Variants in MALRD1 observed in about 807,000 individuals in gnomAD.
The protein encoded by MALRD1 is MAM and LDL-receptor class A domain-containing protein 1.
Under a neutral mutation model 242.1 loss-of-function variants are expected in MALRD1, and 247 were observed. The ratio of observed to expected loss-of-function variants is 1.02; its 90% CI spans 0.92 to 1.13. The LOEUF (loss-of-function observed/expected upper bound fraction) is 1.13, where lower values mean the gene tolerates loss of function less well. Among genes scored for constraint, MALRD1 ranks in the 50% most tolerant of loss-of-function variants. The pLI is 0.00. For missense variants in MALRD1, 2,989 were observed against 2,533.1 expected (o/e 1.18, Z -3.86); for synonymous variants, 995 against 866.6 (o/e 1.15, Z -2.60).
rs10827136 is a variant in MALRD1, at chr10:19,243,723, T to A, written c.2992-13961T>A. Among the ~76,000 whole-genome samples, 22 of 152,058 alleles carry A rather than the reference T, an allele frequency of 1.4e-4. 1 individual carries two copies. In the South Asian group the frequency reaches 4.6e-3, roughly 31 times the overall value. ...CATACACCTGATTATTAACTTAAAG[T>A]TATGATGGGAAAAGTATCAATTTTT... On this transcript the variant is annotated intron_variant, in intron 18 of 39. Coordinates refer to ENST00000454679, the MANE Select transcript of MALRD1 (RefSeq NM_001142308.3).
chr10:19,229,892 T>C (rs1205590363), intron 18 of MALRD1, among the ~76,000 whole-genome samples: 1 of 152,180 alleles, frequency 6.6e-6, no homozygotes, highest in East Asian at 1.9e-4. Context: ...ATGGCTTGGC[T>C]GTGTCCCCAC....
chr10:19,421,143 C>T (rs1833704447), intron 28 of MALRD1, among the ~76,000 whole-genome samples: 1 of 152,192 alleles, frequency 6.6e-6, no homozygotes, highest in Admixed American at 6.5e-5. Context: ...CCCTTCAAAT[C>T]AGCCAAAACA....
intron 1 of MALRD1, among the ~76,000 whole-genome samples, chr10:19,056,729 T>C (rs1834680062): frequency 6.6e-6 from 1 of 152,180 alleles, no homozygotes; most frequent in East Asian, 1.9e-4. Flanking sequence ...TGCTGAAAAT[T>C]GGTGGTGAGA....
At chr10:19,227,135 A>T (rs1201227175) in intron 18 of MALRD1, among the ~76,000 whole-genome samples, 1 of 151,982 alleles carries the variant, frequency 6.6e-6, no homozygotes, top group Admixed American at 6.6e-5. Flanking sequence ...TTTTTGGAGA[A>T]ATTACAAAGC....
chr10:19,139,020 T>C (rs1477465911), intron 10 of MALRD1, among the ~76,000 whole-genome samples: 1 of 152,232 alleles, frequency 6.6e-6, no homozygotes, highest in East Asian at 1.9e-4. Context: ...AAAGAAAACC[T>C]GTCATGTTTG....
intron 32 of MALRD1, among the ~76,000 whole-genome samples, chr10:19,539,033 A>AGTTTT (rs1407256101): frequency 1.3e-5 from 2 of 152,104 alleles, no homozygotes; most frequent in African/African-American, 2.4e-5. Context: ...GGTGCTATTG[A>AGTTTT]GTTTTGTTTT....
chr10:19,707,199 TTCCTCCTTC>T (rs1462682255), intron 38 of MALRD1, among the ~76,000 whole-genome samples: 1 of 151,138 alleles, frequency 6.6e-6, no homozygotes, highest in East Asian at 2.0e-4. Context: ...CCTCCTTCTC[TTCCTCCTTC>T]TCCTCCTTCT....
At chr10:19,566,683 TTA>T (rs1009792634) in intron 32 of MALRD1, among the ~76,000 whole-genome samples, 61 of 150,616 alleles carry the variant, frequency 4.1e-4, no homozygotes, top group African/African-American at 1.4e-3. Flanking sequence ...AGATAGTATT[TTA>T]TATATATATA....
chr10:19,558,110 T>C (rs913563004), intron 32 of MALRD1, among the ~76,000 whole-genome samples: 3 of 152,170 alleles, frequency 2.0e-5, no homozygotes, highest in Admixed American at 6.5e-5. Flanking sequence ...TCCTGCAACT[T>C]TTCTCTAATT....
At chr10:19,270,407 C>G (rs1187290999) in intron 19 of MALRD1, among the ~76,000 whole-genome samples, 1 of 149,920 alleles carries the variant, frequency 6.7e-6, no homozygotes, top group Non-Finnish European at 1.5e-5. Flanking sequence ...GTATGGAAGA[C>G]CAGATGACCT....
At chr10:19,405,169 G>T (rs369175961) in intron 28 of MALRD1, among the ~76,000 whole-genome samples, 4 of 152,138 alleles carry the variant, frequency 2.6e-5, no homozygotes, top group Non-Finnish European at 5.9e-5. Context: ...TGGTAAGAAT[G>T]CGTCAACATC....
intron 11 of MALRD1, among the ~76,000 whole-genome samples, chr10:19,154,516 G>A (rs16918302): frequency 0.34 from 51,096 of 151,992 alleles, 9,062 homozygotes; most frequent in Non-Finnish European, 0.39. Context: ...GCTGCTGAGA[G>A]ATGTTATCCC....
intron 38 of MALRD1, among the ~76,000 whole-genome samples, chr10:19,729,535 G>T (rs940696111): frequency 2.7e-5 from 4 of 150,040 alleles, no homozygotes; most frequent in Admixed American, 6.7e-5. Flanking sequence ...ACACATGCAT[G>T]TATAGGATCC....
Position 19,455,317 on chromosome 10 carries a change from G to A in MALRD1, c.5029+4827G>A, listed in dbSNP as rs529704410. ...TAAATGACTTCTGAAATTTCAGAAC[G>A]TTACTTAAAGTACAATCATTTCTTA... On this transcript the variant is annotated intron_variant, in intron 29 of 39. Transcript: ENST00000454679. Among the ~76,000 whole-genome samples, 13 of 152,136 alleles carry A rather than the reference G, an allele frequency of 8.5e-5. 1 individual carries two copies. In the South Asian group the frequency reaches 2.5e-3, roughly 29 times the overall value.
chr10:19,665,196 T>C (rs1841623377), intron 36 of MALRD1, among the ~76,000 whole-genome samples: 1 of 152,118 alleles, frequency 6.6e-6, no homozygotes, highest in East Asian at 1.9e-4. Context: ...TAGGCTTACA[T>C]AGCATCCTAA....
chr10:19,364,848 G>A (rs1324148835), intron 26 of MALRD1, among the ~76,000 whole-genome samples: 1 of 152,012 alleles, frequency 6.6e-6, no homozygotes, highest in Admixed American at 6.6e-5. Context: ...CTCTATCATT[G>A]TTCCAAGAAA....
intron 29 of MALRD1, among the ~76,000 whole-genome samples, chr10:19,472,237 C>T (rs1289136152): frequency 6.6e-6 from 1 of 152,016 alleles, no homozygotes; most frequent in Non-Finnish European, 1.5e-5. Context: ...AACTTTGAAT[C>T]TCATGAATAA....
intron 8 of MALRD1, among the ~76,000 whole-genome samples, chr10:19,131,631 AT>A (rs1462732876): frequency 6.6e-6 from 1 of 152,080 alleles, no homozygotes; most frequent in Non-Finnish European, 1.5e-5. Flanking sequence ...CCTAGATGCG[AT>A]CAAAAGTAGT....
intron 31 of MALRD1, among the ~76,000 whole-genome samples, chr10:19,528,555 T>C (rs1834200206): frequency 6.6e-6 from 1 of 152,082 alleles, no homozygotes; most frequent in African/African-American, 2.4e-5. Context: ...ATCGTGCCGT[T>C]GCACTCCAGC....
Sources: gnomAD v4.1 joint callset for allele counts (sites outside exome capture counted in the v4.1 genomes callset) on GRCh38, gnomAD v4.1.1 for gene constraint, MANE v1.5 for transcripts, NCBI Gene and HGNC (gene_info 2026-07-23, HGNC 2026-07-21) for gene names.